The following TFAM variants were observed in gnomAD, a reference collection of about 807,000 sequenced individuals.
TFAM encodes transcription factor A, mitochondrial, also known as mitochondrial transcription factor 1.
A neutral mutation model predicts 30.6 loss-of-function variants in TFAM; 13 were observed. The observed-to-expected ratio is 0.42, with a 90% CI of 0.28 to 0.67. The LOEUF (loss-of-function observed/expected upper bound fraction) is 0.67. TFAM is among the 30% of genes least tolerant of loss of function. TFAM has a pLI of 0.21. For missense variants in TFAM, 231 were observed against 293.7 expected (o/e 0.79, Z 1.56); for synonymous variants, 106 against 94.8 (o/e 1.12, Z -0.69).
intron 5 of TFAM, among the ~76,000 whole-genome samples, chr10:58,392,985 C>CT (rs1177419732): frequency 6.6e-6 from 1 of 151,316 alleles, no homozygotes; most frequent in African/African-American, 2.4e-5. Context: ...CCCAACCTCT[C>CT]TTTATTTTTT....
At chr10:58,391,386 A>G (rs16912196) in intron 5 of TFAM, among the ~76,000 whole-genome samples, 5,798 of 152,106 alleles carry the variant, frequency 0.038, 380 homozygotes, top group East Asian at 0.31. Flanking sequence ...GAAGCTCCAA[A>G]TGGGCAATTG....
In TFAM at chr10:58,386,327, C is replaced by G. The variant is rs764594695; in HGVS notation, c.209C>G (p.Ala70Gly). 2 of 1,611,694 alleles carry G rather than the reference C, an allele frequency of 1.2e-6. No homozygotes were observed. The highest frequency in any genetic ancestry group is 1.7e-6 in the Non-Finnish European group (2 of 1,178,058). ...FSKEQLPIFK[A>G]QNPDAKTTEL... ...AAAGAACAACTACCCATATTTAAAG[C>G]TCAGAACCCAGGTAAGGAGTTTTGG... Residue 70 changes from alanine (A) to glycine (G), a missense_variant, in exon 2 of 7, where the codon GCT becomes GGT. By Grantham distance (60) the Ala-to-Gly change is moderately conservative. Transcript: ENST00000487519.
intron 5 of TFAM, among the ~76,000 whole-genome samples, chr10:58,391,061 C>G (rs1316790297): frequency 6.7e-6 from 1 of 150,042 alleles, no homozygotes; most frequent in Non-Finnish European, 1.5e-5. Flanking sequence ...TACATACATA[C>G]ATTGCCAACT....
At chr10:58,391,729 A>G (rs1207936376) in intron 5 of TFAM, among the ~76,000 whole-genome samples, 6 of 151,760 alleles carry the variant, frequency 4.0e-5, no homozygotes, top group East Asian at 2.0e-4. Flanking sequence ...TTGTGTGTCT[A>G]TATTAGGTTG....
In TFAM at chr10:58,399,028, G is replaced by A. The variant is rs1167379903; in HGVS notation, c.*3954G>A. 2.6e-5 allele frequency: 4 copies of A among 152,098 alleles called. No homozygotes were observed. Among genetic ancestry groups the A allele is most frequent in the Admixed American group, 2.6e-4 (4 of 15,266 alleles). 9.4% of individuals were successfully genotyped at this position (152,098 alleles called of 1,614,324 possible). A position where few individuals can be genotyped will look rare whatever the true frequency, so the allele number is the denominator to read the frequency against. ...GTAAAACCATACAAAGCTAGTGTCA[G>A]TCTCTCTCATTGTTCACAAATAAAG... is the stretch of plus-strand genomic sequence containing the variant. On this transcript the variant is annotated 3_prime_UTR_variant, in exon 7 of 7. Transcript: ENST00000487519.
In TFAM at chr10:58,398,942, A is replaced by G. The variant is rs527340374; in HGVS notation, c.*3868A>G. On this transcript the variant is annotated 3_prime_UTR_variant, in exon 7 of 7. Coordinates refer to ENST00000487519, the MANE Select transcript of TFAM (RefSeq NM_003201.3). ...AACAGTAATGTTCTTTTTAAAATTG[A>G]ACTTCTGCAGAGTAAGAAAATGAAT... The G allele has an allele frequency of 6.6e-6, 1 of 152,324 alleles. No individual in the cohort carries two copies. Among genetic ancestry groups the G allele is most frequent in the Non-Finnish European group, 1.5e-5 (1 of 68,024 alleles). 9.4% of individuals were successfully genotyped at this position (152,324 alleles called of 1,614,324 possible).
At chr10:58,391,206 T>C (rs533640106) in intron 5 of TFAM, among the ~76,000 whole-genome samples, 1 of 152,198 alleles carries the variant, frequency 6.6e-6, no homozygotes, top group Non-Finnish European at 1.5e-5. Context: ...CAATATTTTC[T>C]ATGGGGAATT....
At chr10:58,387,683 A>T (rs574450260) in intron 2 of TFAM, among the ~76,000 whole-genome samples, 1 of 152,262 alleles carries the variant, frequency 6.6e-6, no homozygotes, top group African/African-American at 2.4e-5. Flanking sequence ...TAATCCCAGC[A>T]CTTTGGGAGA....
chr10:58,387,410 G>T (rs866495641), intron 2 of TFAM, among the ~76,000 whole-genome samples: 3 of 152,162 alleles, frequency 2.0e-5, no homozygotes, highest in Non-Finnish European at 4.4e-5. Context: ...CCATCATTCC[G>T]GTTAAGATGA....
At position 58,395,236 on chromosome 10, in the gene TFAM, C is replaced by A; in HGVS notation, c.*162C>A. On this transcript the variant is annotated 3_prime_UTR_variant, in exon 7 of 7. Transcript: ENST00000487519. ...TGGACTTCTGCCAGCATAATACTTG[C>A]TTTGGAAAACCCAGATAAAGGTTCA... The A allele has an allele frequency of 1.4e-6, 1 of 737,472 alleles. No individual in the cohort carries two copies. Among genetic ancestry groups the A allele is most frequent in the Non-Finnish European group, 2.2e-6 (1 of 448,856 alleles). The allele number at this position is 737,472 out of a possible 1,614,324, so 45.7% of individuals were successfully genotyped here. A position where few individuals can be genotyped will look rare whatever the true frequency, so the allele number is the denominator to read the frequency against.
At position 58,386,310 on chromosome 10, in the gene TFAM, A is replaced by G. The variant is rs1156420882; in HGVS notation, c.192A>G (p.Gln64=). ...CTTACCTTCGATTTTCTAAAGAACA[A>G]CTACCCATATTTAAAGCTCAGAACC... ...VSSYLRFSKE[Q]LPIFKAQNPD... is the part of the protein sequence containing the mutation. Residue 64 remains glutamine (Q), a synonymous_variant, in exon 2 of 7, where the codon CAA becomes CAG. Transcript: ENST00000487519. 1.2e-6 allele frequency: 2 copies of G among 1,613,744 alleles called. No individual in the cohort carries two copies. The highest frequency in any genetic ancestry group is 1.1e-5 in the South Asian group (1 of 91,068).
chr10:58,393,894 C>CAA (rs1212905436), intron 5 of TFAM, among the ~76,000 whole-genome samples: 81 of 115,660 alleles, frequency 7.0e-4, no homozygotes, highest in African/African-American at 1.7e-3. Flanking sequence ...GACCTTGTCT[C>CAA]AAAAAAAAAA....
chr10:58,394,444 T>C (rs1489376061), intron 6 of TFAM, 30 bp downstream of exon 6: 7 of 1,582,158 alleles, frequency 4.4e-6, no homozygotes, highest in Non-Finnish European at 6.1e-6. Context: ...GTCTCAAGTG[T>C]CTACTTAGGA....
rs371492198 is a variant in TFAM at position 58,390,857 on chromosome 10, G to A, written c.534G>A (p.Pro178=). 2.0e-4 allele frequency: 324 copies of A among 1,611,710 alleles called. 1 individual carries two copies. The highest frequency in any genetic ancestry group is 1.3e-3 in the South Asian group (122 of 90,948). Residue 178 remains proline (P), a synonymous_variant, in exon 5 of 7, where the codon CCG becomes CCA. Coordinates refer to ENST00000487519, the MANE Select transcript of TFAM (RefSeq NM_003201.3). ...TCCAAGAAGCTAAGGGTGATTCACC[G>A]CAGGTAAAGCTGAAATATATTTTTG... ...ERFQEAKGDS[P]QEKLKTVKEN...
chr10:58,391,195 G>A (rs1840592056), intron 5 of TFAM, among the ~76,000 whole-genome samples: 1 of 152,064 alleles, frequency 6.6e-6, no homozygotes, highest in African/African-American at 2.4e-5. Context: ...GAGTAGAGCT[G>A]CAATATTTTC....
At position 58,391,924 on chromosome 10, in the gene TFAM, GT is replaced by G. The variant is rs66572009; in HGVS notation, c.537+1080del. ...TGCTTATGTCTGTTTGTTCACTTAG[GT>G]TTTTTTTTTTTTTTTGTACTTACCA... On this transcript the variant is annotated intron_variant, in intron 5 of 6. Transcript: ENST00000487519. Among the ~76,000 whole-genome samples the G allele has an allele frequency of 1.8e-3, 246 of 133,470 alleles. 1 individual carries two copies. Among genetic ancestry groups the G allele is most frequent in the Middle Eastern group, 3.9e-3 (1 of 254 alleles). 87.6% of individuals were successfully genotyped at this position (133,470 alleles called of 152,430 possible). A position where few individuals can be genotyped will look rare whatever the true frequency, so the allele number is the denominator to read the frequency against.
intron 2 of TFAM, among the ~76,000 whole-genome samples, chr10:58,387,535 C>G (rs192267759): frequency 4.6e-5 from 7 of 152,260 alleles, no homozygotes; most frequent in Admixed American, 4.6e-4. Context: ...TTGTTGTTAG[C>G]TTTTATAAAT....
At chr10:58,389,699 TA>T (rs1840556107) in intron 4 of TFAM, among the ~76,000 whole-genome samples, 1 of 152,184 alleles carries the variant, frequency 6.6e-6, no homozygotes, top group African/African-American at 2.4e-5. Flanking sequence ...AGTGTCTACA[TA>T]AGGATGGTGT....
rs1487415135 is a variant in TFAM at position 58,386,353 on chromosome 10, G to A, written c.220+15G>A. On this transcript the variant is annotated intron_variant, in intron 2 of 6. Coordinates refer to ENST00000487519, the MANE Select transcript of TFAM (RefSeq NM_003201.3). ...TCAGAACCCAGGTAAGGAGTTTTGG[G>A]GCATATACCCTTTTCTCATGTAATA... is the stretch of plus-strand genomic sequence containing the variant. The A allele has an allele frequency of 6.5e-7, 1 of 1,539,284 alleles. No individual in the cohort carries two copies. Among genetic ancestry groups the A allele is most frequent in the South Asian group, 1.1e-5 (1 of 89,670 alleles).
Sources: allele counts gnomAD v4.1 joint callset (sites outside exome capture counted in the v4.1 genomes callset), GRCh38; gene constraint gnomAD v4.1.1; transcripts MANE v1.5; gene names NCBI Gene and HGNC (gene_info 2026-07-23, HGNC 2026-07-21).